Variants in NUBPL observed in about 807,000 individuals in gnomAD.
NUBPL encodes the protein iron-sulfur cluster transfer protein NUBPL.
A neutral mutation model predicts 45.7 loss-of-function variants in NUBPL; 31 were observed. The ratio of observed to expected loss-of-function variants is 0.68; its 90% confidence interval spans 0.51 to 0.92. NUBPL has a LOEUF of 0.92. NUBPL is among the 40% of genes least tolerant of loss of function. The pLI is 0.00. For missense variants in NUBPL, 401 were observed against 398.7 expected (o/e 1.01, Z -0.05); for synonymous variants, 144 against 140.9 (o/e 1.02, Z -0.15).
chr14:31,640,118 C>T (rs1015811347), intron 4 of NUBPL, among the ~76,000 whole-genome samples: 10 of 152,134 alleles, frequency 6.6e-5, no homozygotes, highest in South Asian at 2.1e-4. Context: ...TCAGGCACTC[C>T]CTAGTGAGAT....
chr14:31,628,737 G>A (rs547280686), intron 4 of NUBPL, among the ~76,000 whole-genome samples: 438 of 152,238 alleles, frequency 2.9e-3, no homozygotes, highest in Non-Finnish European at 4.8e-3. Context: ...CTTCGAGGTA[G>A]CTATTGTAAT....
chr14:31,562,571 TA>T (rs2033317521), intron 2 of NUBPL, among the ~76,000 whole-genome samples: 1 of 151,924 alleles, frequency 6.6e-6, no homozygotes, highest in Non-Finnish European at 1.5e-5. Context: ...TGGTTGCTGT[TA>T]TTTTTAAAAC....
intron 4 of NUBPL, among the ~76,000 whole-genome samples, chr14:31,657,398 A>G (rs999953088): frequency 6.6e-6 from 1 of 152,204 alleles, no homozygotes; most frequent in African/African-American, 2.4e-5. Flanking sequence ...GTTTGCCTCT[A>G]AGTATTTGTA....
intron 8 of NUBPL, among the ~76,000 whole-genome samples, chr14:31,842,768 T>A (rs1373954858): frequency 6.6e-6 from 1 of 152,180 alleles, no homozygotes; most frequent in Non-Finnish European, 1.5e-5. Context: ...TACATCCTTA[T>A]TAGTAAATGA....
At chr14:31,639,819 T>C (rs1466220486) in intron 4 of NUBPL, among the ~76,000 whole-genome samples, 1 of 152,184 alleles carries the variant, frequency 6.6e-6, no homozygotes, top group Non-Finnish European at 1.5e-5. Flanking sequence ...CGCTGCCACC[T>C]TGCAGTTTGA....
intron 4 of NUBPL, among the ~76,000 whole-genome samples, chr14:31,622,445 A>C (rs886251546): frequency 1.3e-5 from 2 of 152,058 alleles, no homozygotes; most frequent in African/African-American, 4.8e-5. Context: ...TCACCGAGAC[A>C]ATGGGGAGAA....
intron 4 of NUBPL, among the ~76,000 whole-genome samples, chr14:31,646,984 G>A (rs2035872945): frequency 6.6e-6 from 1 of 151,880 alleles, no homozygotes; most frequent in Non-Finnish European, 1.5e-5. Flanking sequence ...CCAGTCTGCT[G>A]CTGACTACTT....
At chr14:31,721,177 C>A (rs2037800304) in intron 6 of NUBPL, among the ~76,000 whole-genome samples, 2 of 152,118 alleles carry the variant, frequency 1.3e-5, no homozygotes, top group South Asian at 4.1e-4. Flanking sequence ...AGTTTTACTT[C>A]ATTAGTACAA....
At chr14:31,745,065 A>ATTG (rs1566537384) in intron 6 of NUBPL, among the ~76,000 whole-genome samples, 1 of 92,636 alleles carries the variant, frequency 1.1e-5, no homozygotes, top group Admixed American at 9.9e-5. Context: ...TATTTTTATT[A>ATTG]TTATACTTTA....
At chr14:31,595,852 G>A (rs1054386351) in intron 3 of NUBPL, among the ~76,000 whole-genome samples, 4 of 151,398 alleles carry the variant, frequency 2.6e-5, no homozygotes, top group African/African-American at 9.7e-5. Context: ...CCAATTCTAA[G>A]TATAATATGC....
chr14:31,814,819 G>A (rs539537337), intron 7 of NUBPL, among the ~76,000 whole-genome samples: 1 of 152,076 alleles, frequency 6.6e-6, no homozygotes, highest in Non-Finnish European at 1.5e-5. Flanking sequence ...CTGGTTTTTG[G>A]CAGGTTTGTT....
chr14:31,574,138 G>A (rs188906589), intron 3 of NUBPL, among the ~76,000 whole-genome samples: 53 of 152,310 alleles, frequency 3.5e-4, no homozygotes, highest in African/African-American at 1.2e-3. Flanking sequence ...GAGATAATGT[G>A]TTTGAAGCGC....
intron 2 of NUBPL, 25 bp downstream of exon 2, chr14:31,562,240 C>A (rs1174111257): frequency 1.9e-6 from 3 of 1,594,216 alleles, no homozygotes; most frequent in African/African-American, 2.7e-5. Flanking sequence ...TAATTCTATT[C>A]CTGATTAAGA....
chr14:31,633,553 C>G (rs1193584858), intron 4 of NUBPL, among the ~76,000 whole-genome samples: 1 of 152,122 alleles, frequency 6.6e-6, no homozygotes, highest in Non-Finnish European at 1.5e-5. Flanking sequence ...CCAGGATCTT[C>G]TGATTACCTT....
chr14:31,634,337 T>C (rs2035427947), intron 4 of NUBPL, among the ~76,000 whole-genome samples: 1 of 148,146 alleles, frequency 6.8e-6, no homozygotes, highest in Non-Finnish European at 1.5e-5. Flanking sequence ...GAACATGCGG[T>C]GTTTGGTTTT....
At chr14:31,820,095 A>T (rs1157825416) in intron 7 of NUBPL, among the ~76,000 whole-genome samples, 1 of 147,316 alleles carries the variant, frequency 6.8e-6, no homozygotes, top group Non-Finnish European at 1.5e-5. Context: ...ATCCGAGATC[A>T]TGCCACTGCA....
Position 31,625,346 on chromosome 14 carries a change from C to T in NUBPL, c.382+25967C>T, listed in dbSNP as rs183657056. Among the ~76,000 whole-genome samples the T allele has an allele frequency of 1.7e-4, 26 of 152,152 alleles. No homozygotes were observed. In the East Asian group the frequency reaches 3.3e-3, roughly 19 times the overall value. ...GAGCACAACTTAACATTGTGCTTCT[C>T]GAAGCAACATACTATGTGTGACCCT... On this transcript the variant is annotated intron_variant, in intron 4 of 10. Coordinates refer to ENST00000281081, the MANE Select transcript of NUBPL (RefSeq NM_025152.3).
chr14:31,582,273 A>G (rs1310851272), intron 3 of NUBPL, among the ~76,000 whole-genome samples: 1 of 151,928 alleles, frequency 6.6e-6, no homozygotes, highest in African/African-American at 2.4e-5. Context: ...AATAGATAAT[A>G]GGATAAAGGG....
At chr14:31,842,224 C>G (rs2040388426) in intron 8 of NUBPL, among the ~76,000 whole-genome samples, 1 of 151,760 alleles carries the variant, frequency 6.6e-6, no homozygotes, top group African/African-American at 2.4e-5. Flanking sequence ...CCACGTCTGG[C>G]CTGTTCTGGG....
Sources: gnomAD v4.1 joint callset for allele counts (sites outside exome capture counted in the v4.1 genomes callset) on GRCh38, gnomAD v4.1.1 for gene constraint, MANE v1.5 for transcripts, NCBI Gene and HGNC (gene_info 2026-07-23, HGNC 2026-07-21) for gene names.